The following TP53I13 variants were observed in gnomAD, a reference collection of about 807,000 sequenced individuals.
TP53I13 encodes tumor protein p53-inducible protein 13.
In TP53I13, 27 loss-of-function variants were observed where a neutral mutation model predicts 39.1. The observed-to-expected ratio is 0.69, with a 90% CI of 0.51 to 0.95. TP53I13 has a LOEUF of 0.95. Among genes scored for constraint, TP53I13 ranks in the 40% least tolerant of loss-of-function variants. TP53I13 has a pLI of 0.00. For synonymous variants in TP53I13, 230 were observed against 224.6 expected (o/e 1.02, Z -0.22); for missense variants, 544 against 520.4 (o/e 1.05, Z -0.44).
At chr17:29,573,242 G>A (rs1166566892), downstream of TP53I13, 1 of 273,030 alleles carries the variant, frequency 3.7e-6, no homozygotes, top group Non-Finnish European at 6.8e-6. Context: ...GTTTGAGGCA[G>A]CCCGCCCCCG....
chr17:29,566,651 G>C (rs1185460872), upstream of TP53I13: 13 of 1,604,174 alleles, frequency 8.1e-6, no homozygotes, highest in African/African-American at 2.7e-5. Context: ...AGGGTCTGCA[G>C]GTGGGGCCCG....
downstream of TP53I13, chr17:29,577,045 T>C: frequency 1.2e-6 from 2 of 1,606,706 alleles, no homozygotes; most frequent in South Asian, 1.1e-5. Context: ...ACACAACCCA[T>C]CTCTCAGGTC....
chr17:29,578,976 C>G, the TP53I13 span: 1 of 1,613,992 alleles, frequency 6.2e-7, no homozygotes, highest in Non-Finnish European at 8.5e-7. Flanking sequence ...GAGACATGCA[C>G]TTTTGCCGAG....
At chr17:29,575,202 C>A, downstream of TP53I13, 2 of 1,552,210 alleles carry the variant, frequency 1.3e-6, no homozygotes, top group Non-Finnish European at 1.8e-6. The surrounding 1 kb of genome is among the most constrained non-coding windows in gnomAD (Gnocchi z 5.5). Context: ...CCAGGGACAG[C>A]AGAACCCAGG....
At chr17:29,581,109 A>G in the TP53I13 span, 1 of 580,960 alleles carries the variant, frequency 1.7e-6, no homozygotes, top group South Asian at 2.0e-5. The surrounding 1 kb of genome is among the most constrained non-coding windows in gnomAD (Gnocchi z 4.8). Flanking sequence ...CAAGCCCTCC[A>G]TGTACTTGAC....
chr17:29,573,290 G>GTACA (rs1241118990), downstream of TP53I13: 1 of 219,226 alleles, frequency 4.6e-6, no homozygotes, highest in Admixed American at 5.9e-5. Flanking sequence ...CTTTAGGAAT[G>GTACA]TGCTCGTGGG....
At chr17:29,566,822 C>G (rs375177728), upstream of TP53I13, 3 of 1,516,458 alleles carry the variant, frequency 2.0e-6, no homozygotes, top group East Asian at 5.2e-5. Flanking sequence ...CCGTCCGCCT[C>G]CTCCCCGTCG....
the TP53I13 span, chr17:29,581,261 G>C: frequency 1.9e-6 from 2 of 1,075,162 alleles, no homozygotes; most frequent in Non-Finnish European, 2.9e-6. This position sits in a 1 kb window ranked among gnomAD's most constrained non-coding sequence, Gnocchi z 4.8. Context: ...TCTGAAACCT[G>C]GGCTGGGAGC....
chr17:29,578,171 G>C, the TP53I13 span: 1 of 775,200 alleles, frequency 1.3e-6, no homozygotes, highest in African/African-American at 1.7e-5. Context: ...ACAGCCAGCA[G>C]GGGCTCATCT....
chr17:29,571,715 A>T lies in TP53I13; in HGVS notation c.308A>T (p.Asp103Val). The change falls in exon 4 of 7, where the codon GAT (aspartate) becomes GTT (valine). Residue 103 changes from aspartate (D) to valine (V), a missense_variant. Asp to Val is a radical substitution (Grantham distance 152). Transcript: ENST00000301057. ...ACCCCTGACTTCAGCCTCACGCAGG[A>T]TCGGGTATGTAGCTGATGAAAGGCG... ...SLTPDFSLTQ[D>V]RPLVLTAWGL... 1.2e-6 allele frequency: 2 copies of T among 1,614,052 alleles called. No individual in the cohort carries two copies. Among genetic ancestry groups the T allele is most frequent in the Non-Finnish European group, 1.7e-6 (2 of 1,180,002 alleles).
At chr17:29,574,913 C>T, downstream of TP53I13, 1 of 1,561,450 alleles carries the variant, frequency 6.4e-7, no homozygotes, top group Non-Finnish European at 8.7e-7. Flanking sequence ...CAGGGCTGGC[C>T]TCTGGAGGGG....
chr17:29,567,743 C>T (rs1254350545), upstream of TP53I13, among the ~76,000 whole-genome samples: 1 of 152,134 alleles, frequency 6.6e-6, no homozygotes, highest in Non-Finnish European at 1.5e-5. This position sits in a 1 kb window ranked among gnomAD's most constrained non-coding sequence, Gnocchi z 6.6. Context: ...GAGAGTCAGT[C>T]GGAGAAAAGG....
rs1337518521 is a variant in TP53I13 at position 29,572,512 on chromosome 17, C to T, written c.884C>T (p.Ala295Val). 4 of 1,605,536 alleles carry T rather than the reference C, an allele frequency of 2.5e-6. No homozygotes were observed. Among genetic ancestry groups the T allele is most frequent in the Non-Finnish European group, 3.4e-6 (4 of 1,176,484 alleles). ...GCTTCCCCGGCCCCTCGCGCAGCAG[C>T]GCCTCCACGGGCAGCCCGGGGCCCC... is the stretch of plus-strand genomic sequence containing the variant. ...SQASPAPRAAAPPRAARGPTP... is the reference protein window; with the variant it reads ...SQASPAPRAAVPPRAARGPTP... Residue 295 changes from alanine (A) to valine (V), a missense_variant, in exon 6 of 7, where the codon GCG becomes GTG. By Grantham distance (64) the Ala-to-Val change is moderately conservative. Coordinates refer to ENST00000301057, the MANE Select transcript of TP53I13 (RefSeq NM_138349.4).
At chr17:29,576,457 G>A, downstream of TP53I13, 2 of 1,612,788 alleles carry the variant, frequency 1.2e-6, no homozygotes, top group South Asian at 2.2e-5. Context: ...GGATCTATGG[G>A]TGCAAAGTGC....
upstream of TP53I13, chr17:29,567,002 C>T: frequency 3.1e-6 from 4 of 1,274,430 alleles, no homozygotes; most frequent in South Asian, 2.7e-5. The surrounding 1 kb of genome is among the most constrained non-coding windows in gnomAD (Gnocchi z 6.6). Flanking sequence ...CAGCGGGCGG[C>T]GGGGCCGTCT....
the TP53I13 span, chr17:29,578,937 T>G: frequency 6.2e-7 from 1 of 1,612,506 alleles, no homozygotes; most frequent in Non-Finnish European, 8.5e-7. Context: ...CCTTCAGGCC[T>G]GCTGCCCCGG....
the TP53I13 span, chr17:29,581,351 G>T: frequency 6.2e-7 from 1 of 1,612,530 alleles, no homozygotes; most frequent in Non-Finnish European, 8.5e-7. The surrounding 1 kb of genome is among the most constrained non-coding windows in gnomAD (Gnocchi z 4.8). Flanking sequence ...TCAGCCATCT[G>T]TGGGATGATG....
chr17:29,577,108 C>G (rs2033237579), downstream of TP53I13: 10 of 1,608,262 alleles, frequency 6.2e-6, no homozygotes, highest in Non-Finnish European at 8.5e-6. Flanking sequence ...CCGCCTGCTT[C>G]CCACACCCTC....
downstream of TP53I13, chr17:29,575,027 C>G: frequency 6.7e-7 from 1 of 1,499,252 alleles, no homozygotes; most frequent in South Asian, 1.2e-5. This position sits in a 1 kb window ranked among gnomAD's most constrained non-coding sequence, Gnocchi z 5.5. Context: ...TTCTCCACGC[C>G]TGCCCCAGCT....
Sources: allele counts gnomAD v4.1 joint callset (sites outside exome capture counted in the v4.1 genomes callset), GRCh38; gene constraint gnomAD v4.1.1; non-coding constraint Gnocchi (gnomAD v3.1); transcripts MANE v1.5; gene names NCBI Gene and HGNC (gene_info 2026-07-23, HGNC 2026-07-21).